Variants in TMA7B observed in about 807,000 individuals in gnomAD.
The protein encoded by TMA7B is translation machinery-associated protein 7B.
the TMA7B span, among the ~76,000 whole-genome samples, chr22:39,961,877 G>A: frequency 6.6e-6 from 1 of 152,200 alleles, no homozygotes; most frequent in African/African-American, 2.4e-5. Context: ...TTGCTGTTTA[G>A]AAAGAATGGA....
At chr22:39,963,585 A>G in the TMA7B span, among the ~76,000 whole-genome samples, 3 of 152,170 alleles carry the variant, frequency 2.0e-5, no homozygotes, top group African/African-American at 7.2e-5. Context: ...GTTGATTACC[A>G]CCCGAAATCA....
At chr22:39,964,059 G>C in the TMA7B span, 1 of 264,156 alleles carries the variant, frequency 3.8e-6, no homozygotes, top group Non-Finnish European at 7.2e-6. Context: ...TTTACTCTCC[G>C]AGACCCTTTA....
the TMA7B span, among the ~76,000 whole-genome samples, chr22:39,961,297 G>A: frequency 6.6e-6 from 1 of 152,114 alleles, no homozygotes; most frequent in Admixed American, 6.6e-5. Context: ...GGAGAAAGAG[G>A]AGCGGGAGAC....
the TMA7B span, chr22:39,964,175 G>A: frequency 5.7e-6 from 3 of 525,628 alleles, no homozygotes; most frequent in Admixed American, 1.1e-4. Context: ...ACATCCAAAA[G>A]AGAATGACTT....
chr22:39,964,891 A>G, the TMA7B span, among the ~76,000 whole-genome samples: 2 of 152,132 alleles, frequency 1.3e-5, no homozygotes, highest in South Asian at 4.1e-4. Flanking sequence ...AAACCAACTC[A>G]TTTGAAAGAA....
At chr22:39,964,355 G>T in the TMA7B span, 1 of 714,426 alleles carries the variant, frequency 1.4e-6, no homozygotes, top group African/African-American at 1.7e-5. Flanking sequence ...GCAGGGTCTG[G>T]GGAAGGGGCG....
chr22:39,962,945 A>C, the TMA7B span, among the ~76,000 whole-genome samples: 16 of 152,248 alleles, frequency 1.1e-4, no homozygotes, highest in Admixed American at 3.3e-4. Flanking sequence ...CTAGGATTAC[A>C]GGCGCGACCC....
chr22:39,962,645 A>G, the TMA7B span, among the ~76,000 whole-genome samples: 1 of 151,774 alleles, frequency 6.6e-6, no homozygotes, highest in East Asian at 1.9e-4. Context: ...TCAGCTAGAA[A>G]CTATGGTTTT....
At chr22:39,962,245 A>C in the TMA7B span, among the ~76,000 whole-genome samples, 1 of 152,132 alleles carries the variant, frequency 6.6e-6, no homozygotes, top group African/African-American at 2.4e-5. Context: ...GCAACTAGTG[A>C]GACCTCATCT....
At chr22:39,961,554 A>G in the TMA7B span, among the ~76,000 whole-genome samples, 2 of 152,150 alleles carry the variant, frequency 1.3e-5, no homozygotes, top group Non-Finnish European at 1.5e-5. Context: ...GCGAAATCTC[A>G]CTAAGGTGCA....
At chr22:39,963,548 G>C in the TMA7B span, among the ~76,000 whole-genome samples, 1 of 152,152 alleles carries the variant, frequency 6.6e-6, no homozygotes, top group Non-Finnish European at 1.5e-5. Context: ...CAAAACCAAG[G>C]GGAAGACCAC....
the TMA7B span, among the ~76,000 whole-genome samples, chr22:39,963,767 C>T: frequency 6.6e-6 from 1 of 152,198 alleles, no homozygotes; most frequent in African/African-American, 2.4e-5. Context: ...CCTGTAATCC[C>T]AGCACTTTGG....
chr22:39,964,666 G>A, the TMA7B span: 2 of 517,200 alleles, frequency 3.9e-6, no homozygotes, highest in Non-Finnish European at 6.9e-6. Context: ...CCTATAGTTG[G>A]AATTAAGTGT....
chr22:39,964,604 T>C, the TMA7B span: 1 of 744,848 alleles, frequency 1.3e-6, no homozygotes, highest in Non-Finnish European at 2.4e-6. Context: ...GGTGACCCTT[T>C]ATTTCATCCG....
the TMA7B span, chr22:39,964,716 A>G: frequency 7.6e-5 from 7 of 91,576 alleles, no homozygotes; most frequent in Non-Finnish European, 1.9e-5. Flanking sequence ...AAACTTTTGT[A>G]AAAAAAAAAA....
the TMA7B span, among the ~76,000 whole-genome samples, chr22:39,961,676 C>T: frequency 2.6e-5 from 4 of 152,278 alleles, no homozygotes; most frequent in African/African-American, 9.6e-5. Flanking sequence ...TCGCAAGTCA[C>T]GTATCAGACT....
the TMA7B span, among the ~76,000 whole-genome samples, chr22:39,961,797 A>G: frequency 6.6e-6 from 1 of 152,360 alleles, no homozygotes; most frequent in South Asian, 2.1e-4. Flanking sequence ...TTTATTCAAT[A>G]TATTTTGAAA....
At chr22:39,964,628 C>A in the TMA7B span, 12 of 654,892 alleles carry the variant, frequency 1.8e-5, no homozygotes, top group South Asian at 1.6e-4. Flanking sequence ...TTAAACCTCT[C>A]TATTCCCTCC....
chr22:39,964,290 G>T, the TMA7B span: 2 of 656,908 alleles, frequency 3.0e-6, no homozygotes, highest in Non-Finnish European at 5.4e-6. Flanking sequence ...CCCATCACTT[G>T]TGAGTCCAGA....
Sources: allele counts gnomAD v4.1 joint callset (sites outside exome capture counted in the v4.1 genomes callset), GRCh38; gene constraint gnomAD v4.1.1; transcripts MANE v1.5; gene names NCBI Gene and HGNC (gene_info 2026-07-23, HGNC 2026-07-21).